The following LRGUK variants were observed in gnomAD, a reference collection of about 807,000 sequenced individuals.
The protein encoded by LRGUK is leucine rich repeats and guanylate kinase domain containing.
LRGUK carries 65 observed loss-of-function variants against 76.0 expected under a neutral mutation model. The observed-to-expected ratio is 0.85, with a 90% CI of 0.70 to 1.05. The LOEUF (loss-of-function observed/expected upper bound fraction) is 1.05. Ranked by LOEUF, LRGUK falls within the 50% of genes least tolerant of loss-of-function variation. LRGUK has a pLI of 0.00. For synonymous variants in LRGUK, 268 were observed against 265.6 expected, an observed-to-expected ratio of 1.01 and a Z score of -0.09; for missense variants, 758 against 732.8, an observed-to-expected ratio of 1.03 and a Z score of -0.40.
At chr7:134,237,963 C>G (rs1048686221) in intron 16 of LRGUK, among the ~76,000 whole-genome samples, 29 of 152,250 alleles carry the variant, frequency 1.9e-4, no homozygotes, top group African/African-American at 6.7e-4. Flanking sequence ...CCATCTTACA[C>G]ACAGAACAGT....
chr7:134,172,498 C>T (rs902767727), intron 7 of LRGUK, among the ~76,000 whole-genome samples: 6 of 152,040 alleles, frequency 3.9e-5, no homozygotes, highest in African/African-American at 1.2e-4. Context: ...AGTATAAACC[C>T]CTTGAAGTGG....
At chr7:134,208,251 G>A (rs534727433) in intron 15 of LRGUK, among the ~76,000 whole-genome samples, 1 of 152,106 alleles carries the variant, frequency 6.6e-6, no homozygotes, top group Non-Finnish European at 1.5e-5. Context: ...CAGAGCTCAC[G>A]GCTTATATAA....
At chr7:134,210,974 C>T (rs923845709), downstream of LRGUK, among the ~76,000 whole-genome samples, 2 of 152,208 alleles carry the variant, frequency 1.3e-5, no homozygotes, top group Non-Finnish European at 2.9e-5. Flanking sequence ...TTAAGCCATC[C>T]CTGGAGCCAC....
chr7:134,130,301 G>C (rs1445493423), intron 1 of LRGUK, among the ~76,000 whole-genome samples: 2 of 151,572 alleles, frequency 1.3e-5, no homozygotes, highest in African/African-American at 4.9e-5. Context: ...CCCCCCCCCA[G>C]AGGAATTCAC....
chr7:134,183,948 T>C, intron 11 of LRGUK, 95 bp downstream of exon 11: 1 of 1,463,620 alleles, frequency 6.8e-7, no homozygotes, highest in Non-Finnish European at 9.3e-7. Context: ...TTGCTAATGT[T>C]GGCTATTAAT....
chr7:134,158,092 G>A (rs1163583151), exon 6 of LRGUK: 6 of 1,613,172 alleles, frequency 3.7e-6, no homozygotes, highest in Middle Eastern at 1.7e-4. Context: ...ATTCACCTTA[G>A]TTTGGCCAAC....
At chr7:134,272,910 T>C in the LRGUK span, among the ~76,000 whole-genome samples, 1 of 152,194 alleles carries the variant, frequency 6.6e-6, no homozygotes, top group African/African-American at 2.4e-5. Flanking sequence ...TAATTCACAG[T>C]TTCTCCTCTC....
At chr7:134,211,734 T>C (rs1801280777), downstream of LRGUK, among the ~76,000 whole-genome samples, 1 of 152,236 alleles carries the variant, frequency 6.6e-6, no homozygotes, top group South Asian at 2.1e-4. Context: ...AACATTTAAG[T>C]GAATCAGTTG....
intron 15 of LRGUK, among the ~76,000 whole-genome samples, chr7:134,221,200 G>A (rs1287508848): frequency 6.6e-6 from 1 of 152,068 alleles, no homozygotes; most frequent in Non-Finnish European, 1.5e-5. Flanking sequence ...CAATACTCCT[G>A]AAATTGTTGA....
At chr7:134,215,187 C>T (rs1010073744), downstream of LRGUK, among the ~76,000 whole-genome samples, 1 of 151,694 alleles carries the variant, frequency 6.6e-6, no homozygotes. Context: ...GTTACAATAT[C>T]ATGACCCAGT....
intron 16 of LRGUK, among the ~76,000 whole-genome samples, chr7:134,223,995 G>A (rs924235714): frequency 5.9e-5 from 9 of 152,116 alleles, no homozygotes; most frequent in African/African-American, 1.7e-4. Context: ...AAGTCAACAG[G>A]TAAGGCTCCC....
At chr7:134,133,468 A>T (rs1008703655) in intron 1 of LRGUK, among the ~76,000 whole-genome samples, 1 of 152,108 alleles carries the variant, frequency 6.6e-6, no homozygotes, top group Non-Finnish European at 1.5e-5. Context: ...TATAATCTTT[A>T]TCAAATCCAA....
intron 10 of LRGUK, among the ~76,000 whole-genome samples, chr7:134,179,948 C>T (rs1451940364): frequency 1.3e-5 from 2 of 152,186 alleles, no homozygotes; most frequent in Non-Finnish European, 2.9e-5. Flanking sequence ...GGCTTTGGGA[C>T]TTGTATGCTG....
chr7:134,140,312 T>G (rs773243208), intron 3 of LRGUK, among the ~76,000 whole-genome samples: 16 of 152,196 alleles, frequency 1.1e-4, no homozygotes, highest in Non-Finnish European at 2.2e-4. Context: ...TTACCCTTAT[T>G]ATTGAGCACC....
intron 8 of LRGUK, among the ~76,000 whole-genome samples, chr7:134,175,943 C>T (rs892045638): frequency 6.6e-6 from 1 of 151,864 alleles, no homozygotes. Flanking sequence ...TAAATAATAA[C>T]AAAATAATAT....
At chr7:134,190,475 A>C (rs1286861107) in intron 11 of LRGUK, among the ~76,000 whole-genome samples, 1 of 152,190 alleles carries the variant, frequency 6.6e-6, no homozygotes, top group Non-Finnish European at 1.5e-5. Context: ...CCCAAAGTAC[A>C]GGGATTGCAG....
chr7:134,177,144 A>G (rs1799518756), intron 9 of LRGUK, 81 bp downstream of exon 9: 5 of 758,082 alleles, frequency 6.6e-6, no homozygotes, highest in African/African-American at 1.8e-5. Flanking sequence ...TGTGGAAGCA[A>G]TATAATCAAT....
At chr7:134,167,203 G>A (rs1799030475) in intron 7 of LRGUK, among the ~76,000 whole-genome samples, 1 of 152,194 alleles carries the variant, frequency 6.6e-6, no homozygotes. Flanking sequence ...GATGCCCAAG[G>A]CAGGATACCC....
intron 1 of LRGUK, among the ~76,000 whole-genome samples, chr7:134,132,266 G>A (rs902685490): frequency 6.6e-6 from 1 of 152,092 alleles, no homozygotes; most frequent in African/African-American, 2.4e-5. Flanking sequence ...GAGGCAAAAG[G>A]ATCACTCGAG....
Sources: allele counts gnomAD v4.1 joint callset (sites outside exome capture counted in the v4.1 genomes callset), GRCh38; gene constraint gnomAD v4.1.1; transcripts MANE v1.5; gene names NCBI Gene and HGNC (gene_info 2026-07-23, HGNC 2026-07-21).